MDN1: variants seen among roughly 807,000 people sequenced by gnomAD.
The protein encoded by MDN1 is midasin.
In MDN1, 266 loss-of-function variants were observed where a neutral mutation model predicts 669.2. That is an observed-to-expected ratio of 0.40 (90% CI 0.36 to 0.44). The LOEUF is 0.44. Among genes scored for constraint, MDN1 ranks in the 20% least tolerant of loss-of-function variants. The pLI is 1.00. For missense variants in MDN1, 5,940 were observed against 6,754.0 expected, an observed-to-expected ratio of 0.88 and a Z score of 4.22; for synonymous variants, 2,385 against 2,457.1, an observed-to-expected ratio of 0.97 and a Z score of 0.87.
intron 84 of MDN1, among the ~76,000 whole-genome samples, chr6:89,665,266 A>G (rs1469053880): frequency 6.6e-6 from 1 of 152,050 alleles, no homozygotes; most frequent in African/African-American, 2.4e-5. Context: ...GGCACAAGCA[A>G]TTCTCCTGCC....
chr6:89,687,000 T>C lies in MDN1; in HGVS notation c.11474A>G (p.Asn3825Ser), dbSNP rs1436267332. 9 of 1,599,330 alleles carry C rather than the reference T, an allele frequency of 5.6e-6. No individual in the cohort carries two copies. The highest frequency in any genetic ancestry group is 1.7e-5 in the Admixed American group (1 of 58,846). Residue 3825 changes from asparagine (N) to serine (S), a missense_variant, in exon 69 of 102, where the codon AAT becomes AGT. Physicochemically the swap from Asn to Ser is conservative, Grantham distance 46. Coordinates refer to ENST00000369393, the MANE Select transcript of MDN1 (RefSeq NM_014611.3). ...ELNCWSMSLDNTMKRHTEKST... is the reference protein window; with the variant it reads ...ELNCWSMSLDSTMKRHTEKST... The stretch of plus-strand genomic sequence containing the variant: ...TTTCTCGGTGTGGCGCTTCATAGTA[T>C]TATCCAAACTCATGGACCAGCAGCT...
At chr6:89,673,001 G>C (rs1810928359) in intron 80 of MDN1, among the ~76,000 whole-genome samples, 1 of 152,190 alleles carries the variant, frequency 6.6e-6, no homozygotes, top group Admixed American at 6.5e-5. Flanking sequence ...AGGGAAAACA[G>C]ACAGTGAGCT....
chr6:89,646,064 C>G (rs1335294570), intron 100 of MDN1, among the ~76,000 whole-genome samples: 3 of 152,150 alleles, frequency 2.0e-5, no homozygotes, highest in Admixed American at 6.5e-5. Context: ...CACACATATT[C>G]AAGTCCAGAG....
chr6:89,692,750 A>T lies in MDN1; in HGVS notation c.10280T>A (p.Val3427Asp), dbSNP rs1260422198. 6.2e-7 allele frequency: 1 copy of T among 1,614,008 alleles called. No individual in the cohort carries two copies. Among genetic ancestry groups the T allele is most frequent in the East Asian group, 2.2e-5 (1 of 44,886 alleles). The change falls in exon 63 of 102, where the codon GTT becomes GAT. Residue 3427 changes from valine (V) to aspartate (D), a missense_variant. Val to Asp is a radical substitution (Grantham distance 152, BLOSUM62 -3). Transcript: ENST00000369393. ...ELHTSLHSSM[V>D]GADRLGTLAT... ...CAGGGTCCCCAGCCTGTCTGCACCA[A>T]CCATACTGCTGTGGAGTGAGGTGTG...
intron 83 of MDN1, among the ~76,000 whole-genome samples, chr6:89,670,153 TA>T (rs1810570315): frequency 2.2e-4 from 5 of 22,984 alleles, no homozygotes; most frequent in East Asian, 4.4e-3. Flanking sequence ...TATATATATA[TA>T]TATATATATA....
In MDN1 at chr6:89,794,084, G is replaced by A. The variant is rs758881544; in HGVS notation, c.662+16C>T. 4 of 1,501,778 alleles carry A rather than the reference G, an allele frequency of 2.7e-6. No individual in the cohort carries two copies. In the South Asian group the frequency reaches 3.6e-5, roughly 14 times the overall value. 93.0% of individuals were successfully genotyped at this position (1,501,778 alleles called of 1,614,324 possible). On this transcript the variant is annotated intron_variant, in intron 4 of 101. Transcript: ENST00000369393. ...AGAAATGCTATAGCAAGACCTCCAC[G>A]AAGGTTCCTGCTTACCTCAACCTGA...
chr6:89,675,698 A>T, intron 77 of MDN1, 119 bp from the exon 78 acceptor site: 5 of 747,112 alleles, frequency 6.7e-6, no homozygotes, highest in Non-Finnish European at 8.8e-6. Context: ...GAGGTGACAT[A>T]TTCATTTTTT....
Position 89,698,995 on chromosome 6 carries a change from A to G in MDN1, c.9038T>C (p.Phe3013Ser), listed in dbSNP as rs767803609. 24 of 1,614,004 alleles carry G rather than the reference A, an allele frequency of 1.5e-5. 1 individual carries two copies. In the South Asian group the frequency reaches 2.0e-4, roughly 13 times the overall value. ...EEITSLWSEL[F>S]NSMFMSFWSS... ...CCAGAAAGACATAAACATGGAATTA[A>G]ATAACTCGGACCACAAAGATGTAAT... Residue 3013 changes from phenylalanine to serine, a missense_variant, in exon 59 of 102, where the codon TTT becomes TCT. By Grantham distance (155) the Phe-to-Ser change is radical (BLOSUM62 -2). Transcript: ENST00000369393.
At position 89,695,316 on chromosome 6, in the gene MDN1, T is replaced by C. The variant is rs1426582450; in HGVS notation, c.9771+289A>G. Among the ~76,000 whole-genome samples, 3 of 152,204 alleles carry C rather than the reference T, an allele frequency of 2.0e-5. No homozygotes were observed. Among genetic ancestry groups the C allele is most frequent in the Non-Finnish European group, 4.4e-5 (3 of 68,042 alleles). Reference sequence around the variant, plus strand: ...CCAGAGACAGTGAGAGGTACCACTATTTCTGACAATGGCTCAGGTTTTCTA... The same window carrying C: ...CCAGAGACAGTGAGAGGTACCACTACTTCTGACAATGGCTCAGGTTTTCTA... On this transcript the variant is annotated intron_variant, in intron 61 of 101. Coordinates refer to ENST00000369393, the MANE Select transcript of MDN1 (RefSeq NM_014611.3). The surrounding 1 kb of genome is among the most constrained non-coding windows in gnomAD (Gnocchi z 4.1).
In MDN1 at chr6:89,668,107, C is replaced by T. The variant is rs1259707619; in HGVS notation, c.14001G>A (p.Glu4667=). ...PKEFMEDSAG[E]GATEFHDYEG... is the part of the protein sequence containing the mutation. ...CATAGTCATGGAACTCAGTTGCTCCCTCTCCAGCTGAATCTTCCATAAATT... is the reference window on the plus strand; with the variant it reads ...CATAGTCATGGAACTCAGTTGCTCCTTCTCCAGCTGAATCTTCCATAAATT... Residue 4667 remains glutamate (E), a synonymous_variant, in exon 84 of 102, where the codon GAG becomes GAA. Transcript: ENST00000369393. 6 of 1,614,150 alleles carry T rather than the reference C, an allele frequency of 3.7e-6. No homozygotes were observed. Among genetic ancestry groups the T allele is most frequent in the Admixed American group, 1.7e-5 (1 of 60,012 alleles).
intron 15 of MDN1, among the ~76,000 whole-genome samples, chr6:89,767,664 G>A (rs1435102926): frequency 6.6e-6 from 1 of 152,164 alleles, no homozygotes; most frequent in Non-Finnish European, 1.5e-5. Flanking sequence ...GCTGAGGCAG[G>A]AGAATCGCTT....
intron 65 of MDN1, among the ~76,000 whole-genome samples, chr6:89,689,053 C>T (rs1252255828): frequency 6.6e-6 from 1 of 152,180 alleles, no homozygotes; most frequent in Non-Finnish European, 1.5e-5. Flanking sequence ...GTAATCCCAG[C>T]TTCTTGCGGG....
chr6:89,772,398 A>C (rs1818129350), intron 14 of MDN1, among the ~76,000 whole-genome samples, 175 bp downstream of exon 14: 1 of 152,260 alleles, frequency 6.6e-6, no homozygotes, highest in Non-Finnish European at 1.5e-5. Context: ...CATAGATTGG[A>C]AATGAAATAA....
chr6:89,687,360 G>A lies in MDN1; in HGVS notation c.11434C>T (p.Arg3812Cys), dbSNP rs780243536. Residue 3812 changes from arginine (R) to cysteine (C), a missense_variant, in exon 68 of 102, where the codon CGT (arginine) becomes TGT (cysteine). Physicochemically the swap from Arg to Cys is radical, Grantham distance 180. Transcript: ENST00000369393. ...GTCACTTACTTCAGCTCCAGTTTAC[G>A]CCACCGAATGATCATCTGACTGATC... ...DLISQMIIRW[R>C]KLELNCWSMS... 8.1e-6 allele frequency: 13 copies of A among 1,613,752 alleles called. No individual in the cohort carries two copies. The highest frequency in any genetic ancestry group is 2.7e-5 in the African/African-American group (2 of 74,884).
At position 89,674,072 on chromosome 6, in the gene MDN1, A is replaced by G. The variant is rs201073001; in HGVS notation, c.13247+32T>C. 1.9e-4 allele frequency: 298 copies of G among 1,606,286 alleles called. 3 individuals carry two copies. In the East Asian group the frequency reaches 5.3e-3, roughly 29 times the overall value. Reference sequence around the variant, plus strand: ...ATAAGCACAATAAGGACCTAAGCACACAGAGAAGTGTAAAGACATAGACAC... The same window carrying G: ...ATAAGCACAATAAGGACCTAAGCACGCAGAGAAGTGTAAAGACATAGACAC... On this transcript the variant is annotated intron_variant, in intron 79 of 101. Transcript: ENST00000369393.
chr6:89,815,044 G>T, intron 1 of MDN1: 1 of 512,394 alleles, frequency 2.0e-6, no homozygotes, highest in Non-Finnish European at 3.6e-6. Flanking sequence ...GAGGAAGAAA[G>T]GGGTACAAAA....
At chr6:89,742,461 GTAAT>G (rs1265306082) in intron 31 of MDN1, among the ~76,000 whole-genome samples, 1 of 152,096 alleles carries the variant, frequency 6.6e-6, no homozygotes, top group East Asian at 1.9e-4. Flanking sequence ...GCTGATTTGA[GTAAT>G]AAACTCCTGT....
chr6:89,712,309 C>T (rs1358028875), intron 48 of MDN1, 53 bp from the exon 49 acceptor site: 40 of 1,459,818 alleles, frequency 2.7e-5, no homozygotes, highest in Admixed American at 2.3e-4. Flanking sequence ...TTTTATTTCA[C>T]ATTCCAAATA....
intron 23 of MDN1, among the ~76,000 whole-genome samples, chr6:89,750,931 A>C (rs1334967568): frequency 6.6e-6 from 1 of 151,996 alleles, no homozygotes; most frequent in Non-Finnish European, 1.5e-5. Flanking sequence ...TTTTTTTTAA[A>C]AGAATGACGA....
Sources: gnomAD v4.1 joint callset for allele counts (sites outside exome capture counted in the v4.1 genomes callset) on GRCh38, gnomAD v4.1.1 for gene constraint, Gnocchi (gnomAD v3.1) non-coding constraint, MANE v1.5 for transcripts, NCBI Gene and HGNC (gene_info 2026-07-23, HGNC 2026-07-21) for gene names.